Variants in WWOX observed in about 807,000 individuals in gnomAD.
WWOX encodes WW domain-containing oxidoreductase.
WWOX carries 69 observed loss-of-function variants against 46.2 expected under a neutral mutation model. The ratio of observed to expected loss-of-function variants is 1.49; its 90% CI spans 1.23 to 1.82. The LOEUF is 1.82. Ranked by LOEUF, WWOX falls within the 40% of genes most tolerant of loss-of-function variation. The pLI, the probability that WWOX is intolerant of heterozygous loss-of-function variation, is 0.00. For missense variants in WWOX, 919 were observed against 542.6 expected, an observed-to-expected ratio of 1.69 and a Z score of -6.89; for synonymous variants, 359 against 202.6, an observed-to-expected ratio of 1.77 and a Z score of -6.56.
intron 8 of WWOX, among the ~76,000 whole-genome samples, chr16:79,022,029 A>C (rs751295758): frequency 6.6e-6 from 1 of 152,226 alleles, no homozygotes; most frequent in Non-Finnish European, 1.5e-5. Context: ...CAGCTTTGAC[A>C]CATGAATAGG....
intron 8 of WWOX, among the ~76,000 whole-genome samples, chr16:79,091,709 A>C (rs1232889847): frequency 3.3e-5 from 5 of 151,838 alleles, no homozygotes; most frequent in African/African-American, 1.2e-4. Context: ...GGACTTTGCT[A>C]GATAAAAGTT....
chr16:78,952,898 A>C (rs2046090662), intron 8 of WWOX, among the ~76,000 whole-genome samples: 1 of 152,170 alleles, frequency 6.6e-6, no homozygotes, highest in Non-Finnish European at 1.5e-5. Flanking sequence ...CTACAGAGAG[A>C]AACAGGAATC....
At chr16:78,640,938 T>TC in intron 8 of WWOX, among the ~76,000 whole-genome samples, 1 of 25,366 alleles carries the variant, frequency 3.9e-5, no homozygotes, top group South Asian at 1.0e-3. Context: ...GATTCTGTCT[T>TC]CAAAAAAAAA....
At chr16:78,612,123 C>G (rs2045914960) in intron 8 of WWOX, among the ~76,000 whole-genome samples, 2 of 152,202 alleles carry the variant, frequency 1.3e-5, no homozygotes, top group South Asian at 4.1e-4. Context: ...ACTTGTATTA[C>G]CTACTCCTTT....
chr16:79,127,600 G>T (rs1206745503), intron 8 of WWOX, among the ~76,000 whole-genome samples: 1 of 152,156 alleles, frequency 6.6e-6, no homozygotes, highest in East Asian at 1.9e-4. Context: ...CTTCCCACGT[G>T]CATGCATGTA....
chr16:78,682,145 T>C (rs1236368586), intron 8 of WWOX, among the ~76,000 whole-genome samples: 1 of 152,210 alleles, frequency 6.6e-6, no homozygotes, highest in Non-Finnish European at 1.5e-5. Flanking sequence ...GTTACTGTTA[T>C]TTTATTTTTA....
At chr16:79,171,745 A>G (rs141858415) in intron 8 of WWOX, among the ~76,000 whole-genome samples, 5 of 152,304 alleles carry the variant, frequency 3.3e-5, no homozygotes, top group East Asian at 3.9e-4. Context: ...GCACTTCGCT[A>G]TGGAAACGAG....
intron 8 of WWOX, among the ~76,000 whole-genome samples, chr16:78,602,530 C>G (rs1246901926): frequency 1.3e-5 from 2 of 152,178 alleles, no homozygotes; most frequent in South Asian, 4.1e-4. Context: ...CCACACCCGG[C>G]CTCTTCTCGA....
chr16:78,969,974 C>T (rs75461812), intron 8 of WWOX, among the ~76,000 whole-genome samples: 2 of 152,178 alleles, frequency 1.3e-5, no homozygotes, highest in African/African-American at 2.4e-5. Context: ...ACTTTGAACA[C>T]TTTAAATGGG....
At chr16:78,324,029 T>G (rs904871902) in intron 5 of WWOX, among the ~76,000 whole-genome samples, 1 of 152,148 alleles carries the variant, frequency 6.6e-6, no homozygotes, top group Admixed American at 6.5e-5. Flanking sequence ...ATTTCCTCTG[T>G]GTTAGAGACA....
chr16:78,461,711 A>G (rs1033163222), intron 8 of WWOX, among the ~76,000 whole-genome samples: 13 of 152,240 alleles, frequency 8.5e-5, no homozygotes, highest in African/African-American at 3.1e-4. Context: ...CTGCAAGTCG[A>G]TTGGACATGC....
At chr16:79,155,177 A>T (rs2050356942) in intron 8 of WWOX, among the ~76,000 whole-genome samples, 1 of 152,200 alleles carries the variant, frequency 6.6e-6, no homozygotes, top group African/African-American at 2.4e-5. Flanking sequence ...AGAGATGGAA[A>T]CCATTCTGGC....
In WWOX at chr16:78,513,180, A is replaced by G. The variant is rs750140494; in HGVS notation, c.1056+80428A>G. 3.3e-5 allele frequency among the ~76,000 whole-genome samples: 5 copies of G among 152,314 alleles called. No homozygotes were observed. The South Asian group carries it at 6.2e-4, about 19-fold the overall frequency. ...AGCATTAAAACAAATGCCTCAAATC[A>G]TTTTTGGAAGGAGACAGGATATGAA... On this transcript the variant is annotated intron_variant, in intron 8 of 8. Transcript: ENST00000566780.
intron 8 of WWOX, among the ~76,000 whole-genome samples, chr16:78,453,449 A>G (rs1486369125): frequency 1.3e-5 from 2 of 152,054 alleles, no homozygotes; most frequent in African/African-American, 2.4e-5. Flanking sequence ...TTTCTTATTC[A>G]GTTGATTTAA....
At chr16:78,817,542 A>T (rs561897976) in intron 8 of WWOX, among the ~76,000 whole-genome samples, 3 of 152,196 alleles carry the variant, frequency 2.0e-5, no homozygotes, top group African/African-American at 7.2e-5. Context: ...AAATTTGCCA[A>T]TCAAAATTCA....
intron 7 of WWOX, among the ~76,000 whole-genome samples, chr16:78,427,526 ACATACACG>A (rs2083111991): frequency 6.8e-6 from 1 of 147,992 alleles, no homozygotes; most frequent in African/African-American, 2.6e-5. Context: ...ACAAAATCAC[ACATACACG>A]CACGCACGCA....
At chr16:78,126,409 AT>A (rs1331631187) in intron 4 of WWOX, among the ~76,000 whole-genome samples, 2 of 152,338 alleles carry the variant, frequency 1.3e-5, no homozygotes, top group Admixed American at 6.5e-5. Context: ...TTTTTAAAAA[AT>A]ATCACTTAAA....
At position 78,971,337 on chromosome 16, in the gene WWOX, C is replaced by G. The variant is rs74408311; in HGVS notation, c.1057-240271C>G. On this transcript the variant is annotated intron_variant, in intron 8 of 8. Coordinates refer to ENST00000566780, the MANE Select transcript of WWOX (RefSeq NM_016373.4). ...AAATTAGGTGGCAGGCACTTGTAAT[C>G]CCAGCTACTCAGAAGGCTGAGGCGG... Among the ~76,000 whole-genome samples, 8 of 151,586 alleles carry G rather than the reference C, an allele frequency of 5.3e-5. No individual in the cohort carries two copies. In the East Asian group the frequency reaches 1.6e-3, roughly 30 times the overall value.
At chr16:78,244,233 T>G (rs1166643197) in intron 5 of WWOX, among the ~76,000 whole-genome samples, 1 of 152,182 alleles carries the variant, frequency 6.6e-6, no homozygotes, top group Non-Finnish European at 1.5e-5. Flanking sequence ...ATTCTCGGAG[T>G]ATGTGAAGCA....
Sources: gnomAD v4.1 joint callset for allele counts (sites outside exome capture counted in the v4.1 genomes callset) on GRCh38, gnomAD v4.1.1 for gene constraint, MANE v1.5 for transcripts, NCBI Gene and HGNC (gene_info 2026-07-23, HGNC 2026-07-21) for gene names.